NECAB2: variants seen among roughly 807,000 people sequenced by gnomAD.
NECAB2 encodes the protein N-terminal EF-hand calcium binding protein 2.
In NECAB2, 68 loss-of-function variants were observed where a neutral mutation model predicts 51.9. That is an observed-to-expected ratio of 1.31 (90% CI 1.08 to 1.60). The LOEUF is 1.60. Ranked by LOEUF, NECAB2 falls within the 40% of genes most tolerant of loss-of-function variation. NECAB2 has a pLI of 0.00. For missense variants in NECAB2, 854 were observed against 490.3 expected (o/e 1.74, Z -7.00); for synonymous variants, 329 against 203.5 (o/e 1.62, Z -5.25).
intron 2 of NECAB2, among the ~76,000 whole-genome samples, chr16:83,974,834 G>A (rs1332579352): frequency 2.0e-5 from 3 of 152,168 alleles, no homozygotes; most frequent in Non-Finnish European, 4.4e-5. Flanking sequence ...TAGGTGTCAA[G>A]GAGGTGTGGA....
At chr16:83,979,208 C>G (rs1181919898) in intron 3 of NECAB2, among the ~76,000 whole-genome samples, 1 of 152,160 alleles carries the variant, frequency 6.6e-6, no homozygotes, top group Non-Finnish European at 1.5e-5. Context: ...AGGTCTGAGC[C>G]CTCTCCTCAA....
intron 5 of NECAB2, among the ~76,000 whole-genome samples, chr16:83,989,419 G>C (rs528501891): frequency 6.6e-6 from 1 of 152,192 alleles, no homozygotes; most frequent in African/African-American, 2.4e-5. Flanking sequence ...TCTGTCAGCC[G>C]TGTTTCCCAT....
At chr16:83,998,421 A>G (rs950036451) in intron 10 of NECAB2, 104 bp downstream of exon 10, 10 of 1,032,604 alleles carry the variant, frequency 9.7e-6, no homozygotes, top group Non-Finnish European at 1.3e-5. Flanking sequence ...TACAAGTTGC[A>G]CCCCAGGGAC....
At chr16:83,981,462 G>A (rs1282292177) in intron 5 of NECAB2, among the ~76,000 whole-genome samples, 1 of 151,236 alleles carries the variant, frequency 6.6e-6, no homozygotes, top group East Asian at 1.9e-4. Context: ...AAGACTGGAA[G>A]AGGGGGCGGG....
intron 2 of NECAB2, among the ~76,000 whole-genome samples, chr16:83,972,723 C>T (rs1013725616): frequency 6.6e-6 from 1 of 152,192 alleles, no homozygotes; most frequent in African/African-American, 2.4e-5. Context: ...GCCCTTTTCC[C>T]TTTCTCTCTC....
intron 5 of NECAB2, among the ~76,000 whole-genome samples, 193 bp downstream of exon 5, chr16:83,981,320 G>A (rs2084486646): frequency 6.6e-6 from 1 of 152,148 alleles, no homozygotes; most frequent in South Asian, 2.1e-4. Flanking sequence ...GAATGGCTCT[G>A]GTTGGGAGCA....
chr16:84,001,112 G>T (rs1000928007), intron 11 of NECAB2, among the ~76,000 whole-genome samples: 1 of 152,124 alleles, frequency 6.6e-6, no homozygotes, highest in African/African-American at 2.4e-5. Context: ...TTACCACCCT[G>T]TAGAGTTGAG....
upstream of NECAB2, chr16:83,966,008 C>T (rs772795193): frequency 5.8e-6 from 9 of 1,547,392 alleles, no homozygotes; most frequent in East Asian, 9.5e-5. Context: ...GCCACCCTAA[C>T]ACTCGGCCAG....
At chr16:83,973,130 C>T (rs1465261631) in intron 2 of NECAB2, among the ~76,000 whole-genome samples, 2 of 152,240 alleles carry the variant, frequency 1.3e-5, no homozygotes, top group African/African-American at 4.8e-5. Context: ...AGAAAATGCA[C>T]ATCAAGTACC....
At chr16:83,985,313 CAAAAAAAAAAAAAAAAAAAAAAA>C (rs71148868) in intron 5 of NECAB2, among the ~76,000 whole-genome samples, 3 of 30,160 alleles carry the variant, frequency 9.9e-5, no homozygotes, top group African/African-American at 2.2e-4. Context: ...ATCTCTGTCT[CAAAAAAAAAAAAAAAAAAAAAAA>C]AAAAAAAAAA....
chr16:83,980,683 C>T (rs961800913), intron 3 of NECAB2, among the ~76,000 whole-genome samples, 156 bp from the exon 4 acceptor site: 2 of 152,118 alleles, frequency 1.3e-5, no homozygotes, highest in Non-Finnish European at 2.9e-5. Flanking sequence ...GGGGTGTCAC[C>T]TACCTGCTGC....
Position 83,968,849 on chromosome 16 carries a change from C to T in NECAB2, c.201C>T (p.Asp67=), listed in dbSNP as rs904441061. Residue 67 remains aspartate (D), a splice_region_variant and synonymous_variant, in exon 1 of 13, where the codon GAC becomes GAT. Transcript: ENST00000305202. ...GCGGGGGCACCGCCGTCATCCTGGACGTGAGTACGCGCCGGCCGGGACCCC... is the reference window on the plus strand; with the variant it reads ...GCGGGGGCACCGCCGTCATCCTGGATGTGAGTACGCGCCGGCCGGGACCCC... The part of the protein sequence containing the change: ...SPRGGTAVIL[D]IFRRADKNDD... The T allele has an allele frequency of 1.8e-6, 2 of 1,124,108 alleles. No individual in the cohort carries two copies. Among genetic ancestry groups the T allele is most frequent in the East Asian group, 4.7e-5 (1 of 21,100 alleles). The allele number at this position is 1,124,108 out of a possible 1,614,324, so 69.6% of individuals were successfully genotyped here.
upstream of NECAB2, chr16:83,965,471 G>A (rs1171219841): frequency 3.7e-6 from 6 of 1,605,538 alleles, no homozygotes; most frequent in East Asian, 6.7e-5. Context: ...AGCGGCCGAC[G>A]CGGTCCTCTA....
At chr16:83,965,598 A>G (rs2084269185), upstream of NECAB2, 1 of 1,612,974 alleles carries the variant, frequency 6.2e-7, no homozygotes, top group Non-Finnish European at 8.5e-7. Context: ...AAGGTGCACC[A>G]GATGATGCGG....
At chr16:83,994,465 C>A (rs1248783768) in intron 7 of NECAB2, 45 bp downstream of exon 7, 1 of 1,605,160 alleles carries the variant, frequency 6.2e-7, no homozygotes, top group South Asian at 1.1e-5. Flanking sequence ...GCTGGGGGTC[C>A]CGAGGAGTTC....
upstream of NECAB2, chr16:83,965,481 A>G: frequency 6.2e-7 from 1 of 1,606,340 alleles, no homozygotes; most frequent in South Asian, 1.1e-5. Flanking sequence ...GCGGTCCTCT[A>G]CGCCCGCCAC....
intron 2 of NECAB2, among the ~76,000 whole-genome samples, chr16:83,975,796 T>C (rs1953153369): frequency 6.6e-6 from 1 of 152,082 alleles, no homozygotes. Context: ...GAGAGTGAGT[T>C]TGTGCTAATT....
chr16:83,981,182 C>T, intron 5 of NECAB2, 55 bp downstream of exon 5: 1 of 1,341,690 alleles, frequency 7.5e-7, no homozygotes, highest in Non-Finnish European at 1.0e-6. Flanking sequence ...GCTTCAGTTC[C>T]ACCCTTGCCT....
intron 5 of NECAB2, among the ~76,000 whole-genome samples, chr16:83,982,856 G>GTTTTCT (rs751163758): frequency 9.2e-5 from 14 of 151,384 alleles, no homozygotes; most frequent in Non-Finnish European, 1.8e-4. Flanking sequence ...CTTTTTTTTT[G>GTTTTCT]TTTTCTTTTT....
Sources: allele counts gnomAD v4.1 joint callset (sites outside exome capture counted in the v4.1 genomes callset), GRCh38; gene constraint gnomAD v4.1.1; transcripts MANE v1.5; gene names NCBI Gene and HGNC (gene_info 2026-07-23, HGNC 2026-07-21).